PLCB1: variants seen among roughly 807,000 people sequenced by gnomAD.
The protein encoded by PLCB1 is phospholipase C beta 1.
In PLCB1, 46 loss-of-function variants were observed where a neutral mutation model predicts 161.8. The observed-to-expected ratio is 0.28, with a 90% CI of 0.22 to 0.36. The LOEUF is 0.36. PLCB1 is among the 10% of genes least tolerant of loss of function. The pLI is 1.00. For synonymous variants in PLCB1, 517 were observed against 503.7 expected, an observed-to-expected ratio of 1.03 and a Z score of -0.35; for missense variants, 1,016 against 1,472.5, an observed-to-expected ratio of 0.69 and a Z score of 5.07.
chr20:8,805,066 A>G (rs1006855207), intron 31 of PLCB1, among the ~76,000 whole-genome samples: 8 of 151,766 alleles, frequency 5.3e-5, no homozygotes, highest in Non-Finnish European at 8.8e-5. Flanking sequence ...GTGTTTGCCA[A>G]AGGATAATGT....
chr20:8,740,412 A>G lies in PLCB1; in HGVS notation c.2377A>G (p.Ile793Val), dbSNP rs1980815338. ...GACGCTGCCTGCTGTCTTTGTCTAC[A>G]TAGAAGTGAAAGACTATGTGCCAGA... ...PLTLPAVFVY[I>V]EVKDYVPDTY... The change falls in exon 22 of 32, where the codon ATA (isoleucine) becomes GTA (valine). Residue 793 changes from isoleucine (I) to valine (V), a missense_variant. Ile to Val is a conservative substitution (Grantham distance 29, BLOSUM62 3). This residue lies in a region of PLCB1 where 75 missense variants were observed against 117.0 expected (regional missense o/e 0.64). Coordinates refer to ENST00000338037, the MANE Select transcript of PLCB1 (RefSeq NM_015192.4). 1 of 1,603,344 alleles carries G rather than the reference A, an allele frequency of 6.2e-7. No individual in the cohort carries two copies. The highest frequency in any genetic ancestry group is 8.5e-7 in the Non-Finnish European group (1 of 1,176,184).
At chr20:8,701,424 A>G (rs139007647) in intron 11 of PLCB1, among the ~76,000 whole-genome samples, 18 of 152,132 alleles carry the variant, frequency 1.2e-4, no homozygotes, top group South Asian at 4.2e-4. Context: ...GCCTTCCTCA[A>G]ATGTCACCTT....
intron 31 of PLCB1, among the ~76,000 whole-genome samples, chr20:8,879,973 T>G (rs965215721): frequency 6.6e-6 from 1 of 152,098 alleles, no homozygotes; most frequent in African/African-American, 2.4e-5. Flanking sequence ...CAAAGCAGAT[T>G]AACCACCTTG....
At chr20:8,700,511 C>G (rs1224581441) in intron 11 of PLCB1, among the ~76,000 whole-genome samples, 1 of 152,232 alleles carries the variant, frequency 6.6e-6, no homozygotes. Context: ...GATTGAACAT[C>G]TCTTTCTGGG....
At chr20:8,448,412 T>G (rs867665795) in intron 3 of PLCB1, among the ~76,000 whole-genome samples, 36 of 152,198 alleles carry the variant, frequency 2.4e-4, no homozygotes, top group African/African-American at 4.6e-4. Context: ...GCAGAGCCTT[T>G]GTATGGCAAA....
chr20:8,717,873 G>A (rs368134327), intron 14 of PLCB1, 25 bp downstream of exon 14: 200 of 1,588,658 alleles, frequency 1.3e-4, no homozygotes, highest in Non-Finnish European at 1.4e-4. Context: ...GGCTCTCCCC[G>A]TCATGTTTTG....
chr20:8,617,823 T>C (rs1459765960), intron 3 of PLCB1, among the ~76,000 whole-genome samples: 3 of 152,150 alleles, frequency 2.0e-5, no homozygotes, highest in Admixed American at 2.0e-4. Flanking sequence ...GTGGGACTCG[T>C]TTGAGAAAAA....
At chr20:8,246,149 AT>A (rs1321033182) in intron 2 of PLCB1, among the ~76,000 whole-genome samples, 1 of 151,950 alleles carries the variant, frequency 6.6e-6, no homozygotes, top group African/African-American at 2.4e-5. Context: ...CACAAAAGAC[AT>A]GCATCAGATA....
At chr20:8,402,949 T>C (rs1204437988) in intron 3 of PLCB1, among the ~76,000 whole-genome samples, 1 of 152,214 alleles carries the variant, frequency 6.6e-6, no homozygotes, top group Non-Finnish European at 1.5e-5. Context: ...TTCTAAATTT[T>C]ATATCTATTT....
chr20:8,383,527 T>C (rs187791905), intron 3 of PLCB1, among the ~76,000 whole-genome samples: 1 of 152,312 alleles, frequency 6.6e-6, no homozygotes, highest in Non-Finnish European at 1.5e-5. Flanking sequence ...ATTTATCCCA[T>C]TTATATTTAA....
intron 31 of PLCB1, among the ~76,000 whole-genome samples, chr20:8,816,044 G>A (rs1985072087): frequency 6.6e-6 from 1 of 152,026 alleles, no homozygotes; most frequent in Non-Finnish European, 1.5e-5. Flanking sequence ...TAAAACAGTG[G>A]CAAAGAATAT....
At chr20:8,542,692 G>A (rs1291280251) in intron 3 of PLCB1, among the ~76,000 whole-genome samples, 1 of 152,144 alleles carries the variant, frequency 6.6e-6, no homozygotes, top group Non-Finnish European at 1.5e-5. Flanking sequence ...TCAGACTCTA[G>A]GGAATTATTG....
chr20:8,814,160 A>T (rs1274141218), intron 31 of PLCB1, among the ~76,000 whole-genome samples: 1 of 152,200 alleles, frequency 6.6e-6, no homozygotes, highest in East Asian at 1.9e-4. Flanking sequence ...TCAGTATTTA[A>T]GTCTTATTAG....
At chr20:8,696,706 C>T (rs572822455) in intron 10 of PLCB1, among the ~76,000 whole-genome samples, 29 of 152,010 alleles carry the variant, frequency 1.9e-4, no homozygotes, top group African/African-American at 5.5e-4. Context: ...ATAAGTTTTG[C>T]GATCCTTTGT....
intron 31 of PLCB1, among the ~76,000 whole-genome samples, chr20:8,826,148 T>C (rs1039075191): frequency 3.3e-5 from 5 of 151,948 alleles, no homozygotes; most frequent in Non-Finnish European, 7.4e-5. Context: ...GATAAAAGAT[T>C]TGTGAGTCAT....
At chr20:8,610,925 A>G (rs2123170603) in intron 3 of PLCB1, among the ~76,000 whole-genome samples, 1 of 152,148 alleles carries the variant, frequency 6.6e-6, no homozygotes, top group Admixed American at 6.5e-5. Flanking sequence ...GATAATGATG[A>G]GAAGTTTTAT....
At chr20:8,442,422 G>A (rs1980600670) in intron 3 of PLCB1, among the ~76,000 whole-genome samples, 1 of 152,104 alleles carries the variant, frequency 6.6e-6, no homozygotes, top group African/African-American at 2.4e-5. Context: ...CTTTTATAAA[G>A]GCCTTAATCT....
intron 2 of PLCB1, among the ~76,000 whole-genome samples, chr20:8,275,299 G>A (rs942942642): frequency 1.4e-5 from 2 of 145,586 alleles, no homozygotes; most frequent in Non-Finnish European, 3.0e-5. Context: ...AGCGGCACAT[G>A]GTCAGGCTTC....
At chr20:8,238,862 T>G (rs1980458334) in intron 2 of PLCB1, among the ~76,000 whole-genome samples, 2 of 133,780 alleles carry the variant, frequency 1.5e-5, no homozygotes, top group African/African-American at 3.1e-5. Context: ...AGTAAATGGG[T>G]GGCTGGGGGG....
Sources: gnomAD v4.1 joint callset for allele counts (sites outside exome capture counted in the v4.1 genomes callset) on GRCh38, gnomAD v4.1.1 for gene constraint, gnomAD v4.1.1 regional missense constraint, MANE v1.5 for transcripts, NCBI Gene and HGNC (gene_info 2026-07-23, HGNC 2026-07-21) for gene names.